CREB5: variants seen among roughly 807,000 people sequenced by gnomAD.
The protein encoded by CREB5 is cAMP responsive element binding protein 5, also known as cyclic AMP-responsive element-binding protein 5.
In CREB5, 19 loss-of-function variants were observed where a neutral mutation model predicts 57.1. The observed-to-expected ratio is 0.33, with a 90% CI of 0.23 to 0.49. The LOEUF is 0.49. Among genes scored for constraint, CREB5 ranks in the 20% least tolerant of loss-of-function variants. The probability of loss-of-function intolerance (pLI) is 0.99; values close to 1 mark genes in which losing one functional copy is unlikely to be tolerated. For missense variants in CREB5, 579 were observed against 671.6 expected, an observed-to-expected ratio of 0.86 and a Z score of 1.52; for synonymous variants, 238 against 238.3, an observed-to-expected ratio of 1.00 and a Z score of 0.01.
chr7:28,660,460 A>T (rs1799565554), intron 5 of CREB5, among the ~76,000 whole-genome samples: 1 of 151,710 alleles, frequency 6.6e-6, no homozygotes, highest in Non-Finnish European at 1.5e-5. Flanking sequence ...GGTAAGCAAA[A>T]GCAGAGTTAC....
At chr7:28,744,411 G>A (rs974112092) in intron 7 of CREB5, among the ~76,000 whole-genome samples, 13 of 133,706 alleles carry the variant, frequency 9.7e-5, no homozygotes, top group African/African-American at 2.8e-4. Context: ...GCAGTGATGC[G>A]ACCTCAGCTC....
At chr7:28,589,437 C>T (rs1796415682) in intron 5 of CREB5, among the ~76,000 whole-genome samples, 1 of 152,020 alleles carries the variant, frequency 6.6e-6, no homozygotes, top group African/African-American at 2.4e-5. Context: ...GCCTGTAGTC[C>T]CAGCTACTCG....
At chr7:28,669,943 C>G (rs1799964317) in intron 5 of CREB5, among the ~76,000 whole-genome samples, 1 of 152,214 alleles carries the variant, frequency 6.6e-6, no homozygotes, top group African/African-American at 2.4e-5. Flanking sequence ...GGCTTCTCTT[C>G]TTGCTTTCTG....
chr7:28,474,603 A>T (rs1790981496), intron 1 of CREB5, among the ~76,000 whole-genome samples: 1 of 152,128 alleles, frequency 6.6e-6, no homozygotes, highest in Non-Finnish European at 1.5e-5. Context: ...CGGATGAGGA[A>T]ATAACGATCA....
At chr7:28,370,778 A>G (rs968116508) in intron 1 of CREB5, among the ~76,000 whole-genome samples, 1 of 152,224 alleles carries the variant, frequency 6.6e-6, no homozygotes, top group Non-Finnish European at 1.5e-5. Flanking sequence ...AGCAGTAGAA[A>G]GTTCCCCAGA....
intron 7 of CREB5, among the ~76,000 whole-genome samples, chr7:28,748,594 G>T (rs185965942): frequency 1.3e-5 from 2 of 152,166 alleles, no homozygotes; most frequent in African/African-American, 4.8e-5. Flanking sequence ...CTTTGTGGAG[G>T]TACCTTCATC....
At chr7:28,528,639 G>C (rs1295337689) in intron 4 of CREB5, among the ~76,000 whole-genome samples, 1 of 150,220 alleles carries the variant, frequency 6.7e-6, no homozygotes, top group Non-Finnish European at 1.5e-5. Context: ...AGGAGGTGGA[G>C]GTTGCAGTGA....
chr7:28,303,063 A>G (rs2127979092), intron 1 of CREB5, among the ~76,000 whole-genome samples: 1 of 150,488 alleles, frequency 6.6e-6, no homozygotes, highest in African/African-American at 2.4e-5. Context: ...AATCGCTTGA[A>G]CCTGGGAGGC....
At chr7:28,693,290 T>C (rs1050879108) in intron 5 of CREB5, among the ~76,000 whole-genome samples, 1 of 152,168 alleles carries the variant, frequency 6.6e-6, no homozygotes, top group South Asian at 2.1e-4. Flanking sequence ...AACGGGAAAA[T>C]AGGGTCAGGA....
chr7:28,436,688 G>A (rs1209734053), intron 1 of CREB5, among the ~76,000 whole-genome samples: 1 of 151,632 alleles, frequency 6.6e-6, no homozygotes, highest in Non-Finnish European at 1.5e-5. Context: ...TTTTTTTCTA[G>A]AAAATAATCA....
intron 1 of CREB5, among the ~76,000 whole-genome samples, chr7:28,434,094 A>G (rs1329482693): frequency 1.3e-5 from 2 of 152,048 alleles, no homozygotes; most frequent in Non-Finnish European, 2.9e-5. Flanking sequence ...GACCTTCCTG[A>G]TTCCGGCTCA....
At chr7:28,573,547 AGG>A (rs1299801788) in intron 5 of CREB5, among the ~76,000 whole-genome samples, 4 of 152,160 alleles carry the variant, frequency 2.6e-5, no homozygotes, top group Non-Finnish European at 5.9e-5. Context: ...TTGTGGGAGA[AGG>A]GGCCACCTGG....
At chr7:28,385,971 T>A (rs1369367944) in intron 1 of CREB5, among the ~76,000 whole-genome samples, 2 of 152,126 alleles carry the variant, frequency 1.3e-5, no homozygotes, top group Non-Finnish European at 2.9e-5. Context: ...TTTATATATG[T>A]ATATAAATAG....
chr7:28,531,565 T>C (rs1376506045), intron 4 of CREB5, among the ~76,000 whole-genome samples: 1 of 152,322 alleles, frequency 6.6e-6, no homozygotes, highest in African/African-American at 2.4e-5. Flanking sequence ...ATGACCCTGT[T>C]GCCAAACAAG....
intron 5 of CREB5, among the ~76,000 whole-genome samples, chr7:28,619,733 C>T (rs1170963273): frequency 1.3e-5 from 2 of 152,078 alleles, no homozygotes; most frequent in African/African-American, 4.8e-5. Context: ...TCTGTTACTC[C>T]AGGATGACGA....
intron 1 of CREB5, among the ~76,000 whole-genome samples, chr7:28,456,818 G>A (rs1288551322): frequency 6.6e-6 from 1 of 152,204 alleles, no homozygotes; most frequent in Admixed American, 6.5e-5. Context: ...TTGTGCCTGG[G>A]CACACCCCCT....
rs536868811 is a variant in CREB5, at chr7:28,419,358, G to A, written c.3+6441G>A. Among the ~76,000 whole-genome samples, 4 of 152,318 alleles carry A rather than the reference G, an allele frequency of 2.6e-5. No individual in the cohort carries two copies. The South Asian group carries it at 8.3e-4, about 32-fold the overall frequency. On this transcript the variant is annotated intron_variant, in intron 1 of 10. Coordinates refer to ENST00000357727, the MANE Select transcript of CREB5 (RefSeq NM_182898.4). ...GTACTGTCTTCACACTTGGTCTGGA[G>A]CCATCTGTGTTTAAGTATTTGGTTT...
Position 28,488,177 on chromosome 7 carries a change from T to A in CREB5, c.6T>A (p.Ile2=), listed in dbSNP as rs779983510. Reference sequence around the variant, plus strand: ...TCCCTTTCCCTCTGATCCTTCAGATTTATGAGGAATCCAAGATGAATTTGG... The same window carrying A: ...TCCCTTTCCCTCTGATCCTTCAGATATATGAGGAATCCAAGATGAATTTGG... M[I]YEESKMNLEQ... is the part of the protein sequence containing the mutation. Residue 2 remains isoleucine, a splice_region_variant and synonymous_variant, in exon 2 of 11, where the codon ATT becomes ATA. Transcript: ENST00000357727. 6.2e-7 allele frequency: 1 copy of A among 1,613,782 alleles called. No individual in the cohort carries two copies. Among genetic ancestry groups the A allele is most frequent in the Non-Finnish European group, 8.5e-7 (1 of 1,179,778 alleles).
chr7:28,595,676 G>A (rs970442266), intron 5 of CREB5, among the ~76,000 whole-genome samples: 3 of 152,176 alleles, frequency 2.0e-5, no homozygotes, highest in African/African-American at 4.8e-5. Flanking sequence ...TCTCACCAGC[G>A]TGGTCTTAAT....
Sources: gnomAD v4.1 joint callset for allele counts (sites outside exome capture counted in the v4.1 genomes callset) on GRCh38, gnomAD v4.1.1 for gene constraint, MANE v1.5 for transcripts, NCBI Gene and HGNC (gene_info 2026-07-23, HGNC 2026-07-21) for gene names.